UBAP2: variants seen among roughly 807,000 people sequenced by gnomAD.
UBAP2 encodes the protein ubiquitin associated protein 2.
UBAP2 carries 75 observed loss-of-function variants against 139.6 expected under a neutral mutation model. The observed-to-expected ratio is 0.54, with a 90% confidence interval of 0.45 to 0.65. The LOEUF (loss-of-function observed/expected upper bound fraction) is 0.65, where lower values mean the gene tolerates loss of function less well. Ranked by LOEUF, UBAP2 falls within the 30% of genes least tolerant of loss-of-function variation. The pLI is 0.00. For missense variants in UBAP2, 1,368 were observed against 1,369.6 expected (o/e 1.00, Z 0.02); for synonymous variants, 526 against 526.2 (o/e 1.00, Z 0.01).
At chr9:33,980,216 A>ATTTTTTT (rs1554686508) in intron 6 of UBAP2, among the ~76,000 whole-genome samples, 3 of 77,304 alleles carry the variant, frequency 3.9e-5, no homozygotes, top group South Asian at 4.2e-4. Context: ...CCTGAGTGTC[A>ATTTTTTT]TTTCTTTTTT....
chr9:34,023,379 C>T (rs1234014488), intron 1 of UBAP2, among the ~76,000 whole-genome samples: 3 of 152,094 alleles, frequency 2.0e-5, no homozygotes, highest in Admixed American at 2.0e-4. Flanking sequence ...AGAAAAATGA[C>T]TTAATCTTTA....
chr9:33,931,116 G>C (rs1455679349), intron 19 of UBAP2, among the ~76,000 whole-genome samples: 2 of 152,162 alleles, frequency 1.3e-5, no homozygotes, highest in Non-Finnish European at 2.9e-5. Context: ...GGCTTGAAAT[G>C]CATGGGTCCA....
intron 16 of UBAP2, among the ~76,000 whole-genome samples, chr9:33,940,286 G>C (rs918253548): frequency 1.3e-5 from 2 of 152,086 alleles, no homozygotes; most frequent in Admixed American, 6.6e-5. Flanking sequence ...CTGCAAATGT[G>C]TGTGTGAGGG....
rs1049016255 is a variant in UBAP2, at chr9:33,923,065, G to T, written c.3005-32C>A. 158 of 1,613,914 alleles carry T rather than the reference G, an allele frequency of 9.8e-5. 5 individuals carry two copies. The South Asian group carries it at 1.7e-3, about 18-fold the overall frequency. ...GGAAAAGCAGTTGTTCCCCACAGCA[G>T]TTGTTCCCAGCTCCAGGCTCCCCAC... On this transcript the variant is annotated intron_variant, in intron 26 of 28. Transcript: ENST00000379238.
At chr9:34,044,333 G>A (rs1458844128) in intron 1 of UBAP2, among the ~76,000 whole-genome samples, 5 of 151,218 alleles carry the variant, frequency 3.3e-5, no homozygotes, top group East Asian at 2.0e-4. Flanking sequence ...CCTGGGAGGC[G>A]GAGTTTGCAG....
intron 1 of UBAP2, among the ~76,000 whole-genome samples, chr9:34,034,927 A>T (rs1760816): frequency 0.6 from 91,286 of 151,784 alleles, 27,834 homozygotes; most frequent in East Asian, 0.81. Flanking sequence ...CTACATCCGG[A>T]TTACTCTCAA....
intron 1 of UBAP2, among the ~76,000 whole-genome samples, chr9:34,029,428 C>A (rs1254414281): frequency 6.6e-6 from 1 of 151,566 alleles, no homozygotes; most frequent in African/African-American, 2.4e-5. Flanking sequence ...ACTCGGGAGG[C>A]TGAGGCAGGA....
At chr9:34,024,620 C>A (rs889995388) in intron 1 of UBAP2, among the ~76,000 whole-genome samples, 2 of 103,234 alleles carry the variant, frequency 1.9e-5, no homozygotes, top group Non-Finnish European at 4.3e-5. Flanking sequence ...TCTGGAAAAA[C>A]GGGTCAGAAA....
At chr9:34,007,409 T>G (rs1339381812) in intron 2 of UBAP2, among the ~76,000 whole-genome samples, 9 of 151,240 alleles carry the variant, frequency 6.0e-5, no homozygotes, top group Non-Finnish European at 1.5e-5. Context: ...GGCAGAAGGA[T>G]CTCTTGAGCC....
At position 34,012,346 on chromosome 9, in the gene UBAP2, C is replaced by T. The variant is rs565360697; in HGVS notation, c.99+4704G>A. ...AGGAGTTCGAGAGCAGCCTGGCCAA[C>T]ATGGCGAAACCTCGTTTCTACTGAA... On this transcript the variant is annotated intron_variant, in intron 2 of 28. Coordinates refer to ENST00000379238, the MANE Select transcript of UBAP2 (RefSeq NM_001370062.2). Among the ~76,000 whole-genome samples, 274 of 152,272 alleles carry T rather than the reference C, an allele frequency of 1.8e-3. 1 individual carries two copies. The highest frequency in any genetic ancestry group is 6.3e-3 in the African/African-American group (264 of 41,576).
intron 8 of UBAP2, among the ~76,000 whole-genome samples, chr9:33,966,652 T>A (rs1304521421): frequency 6.6e-6 from 1 of 152,134 alleles, no homozygotes; most frequent in African/African-American, 2.4e-5. Flanking sequence ...TGCATAATAT[T>A]AACATACAAA....
intron 21 of UBAP2, 95 bp downstream of exon 21, chr9:33,926,894 G>T: frequency 7.7e-7 from 1 of 1,297,188 alleles, no homozygotes. Context: ...GGCAGCTCAA[G>T]GTGGGCAACC....
At chr9:34,004,677 G>A (rs1429095406) in intron 2 of UBAP2, among the ~76,000 whole-genome samples, 3 of 151,658 alleles carry the variant, frequency 2.0e-5, no homozygotes, top group Non-Finnish European at 1.5e-5. Flanking sequence ...CCAGCTACTC[G>A]GGAGGCTGAG....
chr9:33,947,981 CAAA>C (rs34296980), intron 13 of UBAP2, among the ~76,000 whole-genome samples: 39 of 80,630 alleles, frequency 4.8e-4, no homozygotes, highest in African/African-American at 9.2e-4. Context: ...GACCCCATCT[CAAA>C]AAAAAAAAAA....
At chr9:33,977,599 T>C (rs1240282532) in intron 6 of UBAP2, among the ~76,000 whole-genome samples, 1 of 151,958 alleles carries the variant, frequency 6.6e-6, no homozygotes, top group African/African-American at 2.4e-5. Context: ...CATATTATGG[T>C]AAATGCTGTA....
rs778499089 is a variant in UBAP2 at position 33,922,790 on chromosome 9, C to T, written c.3161G>A (p.Gly1054Glu). 2.6e-6 allele frequency: 4 copies of T among 1,561,332 alleles called. No individual in the cohort carries two copies. Residue 1054 changes from glycine (G) to glutamate (E), a missense_variant, in exon 28 of 29, where the codon GGA becomes GAA. Transcript: ENST00000379238. ...VLGSTGPLAS[G>E]AAPGYAPPPF... is the part of the protein sequence containing the mutation. ...TGGGGGTGCATAGCCAGGGGCCGCT[C>T]CCGAGGCCAGGGGCCCAGTGGAGCC...
intron 6 of UBAP2, among the ~76,000 whole-genome samples, chr9:33,986,518 G>C (rs1256912753): frequency 1.3e-5 from 2 of 152,118 alleles, no homozygotes; most frequent in African/African-American, 4.8e-5. Context: ...TTTGGTTAGA[G>C]CTTTAAGTTT....
At chr9:33,965,881 T>C (rs1827408697) in intron 8 of UBAP2, among the ~76,000 whole-genome samples, 1 of 151,930 alleles carries the variant, frequency 6.6e-6, no homozygotes, top group Non-Finnish European at 1.5e-5. Flanking sequence ...GCCCCGTCTC[T>C]ACTAAAAATA....
chr9:33,947,761 A>G (rs1189326713), intron 13 of UBAP2, among the ~76,000 whole-genome samples: 1 of 151,710 alleles, frequency 6.6e-6, no homozygotes, highest in African/African-American at 2.4e-5. Context: ...GGAGGTCAAG[A>G]TGGCAGTGAC....
Sources: gnomAD v4.1 joint callset for allele counts (sites outside exome capture counted in the v4.1 genomes callset) on GRCh38, gnomAD v4.1.1 for gene constraint, MANE v1.5 for transcripts, NCBI Gene and HGNC (gene_info 2026-07-23, HGNC 2026-07-21) for gene names.